Variants in VEPH1 observed in about 807,000 individuals in gnomAD.
The protein encoded by VEPH1 is ventricular zone expressed PH domain containing 1.
Under a neutral mutation model 85.2 loss-of-function variants are expected in VEPH1, and 80 were observed. The ratio of observed to expected loss-of-function variants is 0.94; its 90% CI spans 0.78 to 1.13. The LOEUF is 1.13. VEPH1 is among the 50% of genes most tolerant of loss of function. The pLI is 0.00. For missense variants in VEPH1, 955 were observed against 980.5 expected (o/e 0.97, Z 0.35); for synonymous variants, 297 against 348.0 (o/e 0.85, Z 1.63).
rs533149241 is a variant in VEPH1, at chr3:157,364,075, A to T, written c.1337+228T>A. On this transcript the variant is annotated intron_variant, in intron 8 of 13. Transcript: ENST00000362010. ...CAGAAATCAAGAGACAGTATTTTCC[A>T]TATGGCATATAAGCAATAGATTTGT... Among the ~76,000 whole-genome samples, 3 of 152,370 alleles carry T rather than the reference A, an allele frequency of 2.0e-5. No individual in the cohort carries two copies. In the East Asian group the frequency reaches 5.8e-4, roughly 29 times the overall value.
At chr3:157,406,861 T>C (rs971635751) in intron 6 of VEPH1, among the ~76,000 whole-genome samples, 14 of 152,140 alleles carry the variant, frequency 9.2e-5, no homozygotes, top group Admixed American at 2.6e-4. Flanking sequence ...GCATGCTACA[T>C]ACTGGTATGT....
intron 1 of VEPH1, among the ~76,000 whole-genome samples, chr3:157,495,845 T>C (rs1358040863): frequency 6.6e-6 from 1 of 152,114 alleles, no homozygotes; most frequent in Non-Finnish European, 1.5e-5. Context: ...CTCAAAAAGA[T>C]TCTCATGGGA....
At chr3:157,437,928 C>G (rs753817379) in intron 4 of VEPH1, 16 of 1,527,332 alleles carry the variant, frequency 1.0e-5, no homozygotes, top group Non-Finnish European at 1.4e-5. Context: ...AGGAGGCAAG[C>G]GGGGCCGGGA....
rs1724104918 is a variant in VEPH1 at position 157,345,434 on chromosome 3, C to T, written c.1735+17930G>A. On this transcript the variant is annotated intron_variant, in intron 9 of 13. Coordinates refer to ENST00000362010, the MANE Select transcript of VEPH1 (RefSeq NM_001167912.2). ...GCCAACAGACACATGGAAAAATGTT[C>T]ATCATCACTGGCCATCAGAGAAAGG... 2.0e-5 allele frequency among the ~76,000 whole-genome samples: 3 copies of T among 152,312 alleles called. No homozygotes were observed. The South Asian group carries it at 6.2e-4, about 32-fold the overall frequency.
At chr3:157,305,366 T>A (rs1226718434) in intron 11 of VEPH1, among the ~76,000 whole-genome samples, 6 of 152,098 alleles carry the variant, frequency 3.9e-5, no homozygotes, top group African/African-American at 7.2e-5. Context: ...CGCCTCGGCC[T>A]CCCAAAGTGC....
In VEPH1 at chr3:157,440,968, G is replaced by T. The variant is rs182247704; in HGVS notation, c.530-12480C>A. Among the ~76,000 whole-genome samples, 10 of 152,310 alleles carry T rather than the reference G, an allele frequency of 6.6e-5. No homozygotes were observed. In the East Asian group the frequency reaches 1.5e-3, roughly 24 times the overall value. On this transcript the variant is annotated intron_variant, in intron 4 of 13. Coordinates refer to ENST00000362010, the MANE Select transcript of VEPH1 (RefSeq NM_001167912.2). The stretch of plus-strand genomic sequence containing the variant: ...TAATTATAAGCATGTGGACAAGGTA[G>T]AATTTTTAAACACATTTTTGGTCTA...
At chr3:157,418,069 T>C (rs1434871773) in intron 5 of VEPH1, among the ~76,000 whole-genome samples, 1 of 152,108 alleles carries the variant, frequency 6.6e-6, no homozygotes, top group Admixed American at 6.6e-5. Context: ...CTCAGGAGAA[T>C]AGACCCAAGG....
At chr3:157,295,315 C>T (rs1367917950) in intron 11 of VEPH1, among the ~76,000 whole-genome samples, 11 of 152,082 alleles carry the variant, frequency 7.2e-5, no homozygotes, top group Non-Finnish European at 2.9e-5. Context: ...ACTTGCTATT[C>T]AAGCTACCCA....
intron 12 of VEPH1, among the ~76,000 whole-genome samples, chr3:157,272,378 T>TTTTCTTTCTTC (rs1559913951): frequency 4.0e-5 from 2 of 49,578 alleles, no homozygotes; most frequent in East Asian, 1.6e-3. Flanking sequence ...CTCTTTCTTT[T>TTTTCTTTCTTC]CTTTCTTTCT....
At chr3:157,461,629 A>T (rs935789565) in intron 3 of VEPH1, among the ~76,000 whole-genome samples, 2 of 152,220 alleles carry the variant, frequency 1.3e-5, no homozygotes, top group Admixed American at 6.5e-5. Context: ...ATCTTACAAT[A>T]AGGACAAAAG....
intron 4 of VEPH1, chr3:157,442,443 C>T: frequency 6.2e-7 from 1 of 1,614,148 alleles, no homozygotes; most frequent in Middle Eastern, 1.6e-4. Flanking sequence ...ACCAATGAGG[C>T]TTGAGTCTTT....
intron 3 of VEPH1, among the ~76,000 whole-genome samples, chr3:157,465,221 T>C (rs986693716): frequency 1.4e-4 from 22 of 152,208 alleles, no homozygotes; most frequent in Admixed American, 1.3e-3. Context: ...ACCTACTATA[T>C]GCCAGGCACT....
chr3:157,367,908 C>A (rs4680359), intron 7 of VEPH1, among the ~76,000 whole-genome samples: 61,729 of 152,074 alleles, frequency 0.41, 13,426 homozygotes, highest in East Asian at 0.75. Context: ...TGGCTTATAT[C>A]AGTTACAATA....
At chr3:157,279,994 G>A (rs898965858) in intron 12 of VEPH1, among the ~76,000 whole-genome samples, 4 of 127,408 alleles carry the variant, frequency 3.1e-5, no homozygotes, top group Admixed American at 9.8e-5. Flanking sequence ...CCAGCCTGGC[G>A]ACAGAGCAAG....
At chr3:157,269,643 T>G (rs1221034108) in intron 12 of VEPH1, among the ~76,000 whole-genome samples, 3 of 17,872 alleles carry the variant, frequency 1.7e-4, no homozygotes, top group African/African-American at 2.6e-4. Flanking sequence ...GTTTTTGTTG[T>G]TTTTTTTTTT....
At chr3:157,303,941 A>T (rs1719124429) in intron 11 of VEPH1, among the ~76,000 whole-genome samples, 2 of 149,908 alleles carry the variant, frequency 1.3e-5, no homozygotes, top group African/African-American at 4.9e-5. Flanking sequence ...ATATATTCAT[A>T]CGGCTCTTCT....
chr3:157,354,241 A>G (rs1388830171), intron 9 of VEPH1, among the ~76,000 whole-genome samples: 1 of 148,050 alleles, frequency 6.8e-6, no homozygotes, highest in Non-Finnish European at 1.5e-5. Context: ...TTCTCTAAAA[A>G]GTAAAGTTTA....
chr3:157,331,573 A>C (rs952656950), intron 9 of VEPH1, among the ~76,000 whole-genome samples: 2 of 152,182 alleles, frequency 1.3e-5, no homozygotes, highest in Non-Finnish European at 1.5e-5. Flanking sequence ...CTCTTCTTCC[A>C]ACAGAAGATG....
Position 157,260,690 on chromosome 3 carries a change from G to GT in VEPH1, c.*443dup, listed in dbSNP as rs199942467. ...GTACATTAGTTCAACGTTTCTAAAG[G>GT]TTTTTTTTTTTAAAGTTTTCTTTTA... is the stretch of plus-strand genomic sequence containing the variant. On this transcript the variant is annotated 3_prime_UTR_variant, in exon 14 of 14. Transcript: ENST00000362010. 5.2e-3 allele frequency: 773 copies of GT among 149,236 alleles called. 6 individuals are homozygous for GT. Among genetic ancestry groups the GT allele is most frequent in the East Asian group, 0.039 (197 of 5,098 alleles). The allele number at this position is 149,236 out of a possible 1,614,324, so 9.2% of individuals were successfully genotyped here. A position where few individuals can be genotyped will look rare whatever the true frequency, so the allele number is the denominator to read the frequency against.
Sources: allele counts gnomAD v4.1 joint callset (sites outside exome capture counted in the v4.1 genomes callset), GRCh38; gene constraint gnomAD v4.1.1; transcripts MANE v1.5; gene names NCBI Gene and HGNC (gene_info 2026-07-23, HGNC 2026-07-21).